Variants in DNAH6 observed in about 807,000 individuals in gnomAD.
The protein encoded by DNAH6 is axonemal beta dynein heavy chain 6.
In DNAH6, 340 loss-of-function variants were observed where a neutral mutation model predicts 491.4. The observed-to-expected ratio is 0.69, with a 90% CI of 0.63 to 0.76. The LOEUF (loss-of-function observed/expected upper bound fraction) is 0.76. Ranked by LOEUF, DNAH6 falls within the 30% of genes least tolerant of loss-of-function variation. DNAH6 has a pLI of 0.00. For missense variants in DNAH6, 4,443 were observed against 4,972.2 expected (o/e 0.89, Z 3.20); for synonymous variants, 1,603 against 1,686.1 (o/e 0.95, Z 1.21).
At chr2:84,720,514 G>A (rs1221509416) in intron 59 of DNAH6, among the ~76,000 whole-genome samples, 5 of 151,780 alleles carry the variant, frequency 3.3e-5, no homozygotes, top group South Asian at 2.1e-4. Flanking sequence ...TCCTGACCTC[G>A]TGATCCGCCC....
At chr2:84,785,870 T>G (rs764594285) in intron 67 of DNAH6, 114 bp downstream of exon 67, 20 of 1,127,402 alleles carry the variant, frequency 1.8e-5, no homozygotes, top group Non-Finnish European at 2.4e-5. Context: ...AAGGCCCCAT[T>G]CTGTGTCTGA....
intron 30 of DNAH6, among the ~76,000 whole-genome samples, chr2:84,635,764 T>G (rs954018114): frequency 2.6e-5 from 4 of 152,136 alleles, no homozygotes; most frequent in Admixed American, 2.6e-4. Context: ...ATAGGTAAAC[T>G]AAACCACAGA....
chr2:84,570,525 C>T (rs1197340588), intron 11 of DNAH6, among the ~76,000 whole-genome samples: 1 of 152,202 alleles, frequency 6.6e-6, no homozygotes, highest in African/African-American at 2.4e-5. Context: ...AGGCACCAGT[C>T]AGCACTCTGT....
chr2:84,517,513 A>G (rs1057254034), intron 1 of DNAH6, among the ~76,000 whole-genome samples: 1 of 152,188 alleles, frequency 6.6e-6, no homozygotes, highest in Non-Finnish European at 1.5e-5. Context: ...GTCCTTCCAA[A>G]TCTAGACCAG....
chr2:84,586,949 T>G (rs1683614907), intron 15 of DNAH6, among the ~76,000 whole-genome samples: 1 of 152,232 alleles, frequency 6.6e-6, no homozygotes, highest in Non-Finnish European at 1.5e-5. Context: ...GCATTTTTTA[T>G]TTTTTAAGAA....
At position 84,705,612 on chromosome 2, in the gene DNAH6, T is replaced by C; in HGVS notation, c.8592T>C (p.Pro2864=). 2 of 1,551,688 alleles carry C rather than the reference T, an allele frequency of 1.3e-6. No homozygotes were observed. Among genetic ancestry groups the C allele is most frequent in the Non-Finnish European group, 8.7e-7 (1 of 1,146,984 alleles). Residue 2864 remains proline (P), a synonymous_variant, in exon 52 of 77, where the codon CCT becomes CCC. Coordinates refer to ENST00000389394, the MANE Select transcript of DNAH6 (RefSeq NM_001370.2). ...AGCTTCAAAAGTATATTAATAATCC[T>C]GATTTTGTGCCTGAAAAAGTGGAGA... ...LAKLQKYINN[P]DFVPEKVEKV... is the part of the protein sequence containing the mutation.
intron 47 of DNAH6, among the ~76,000 whole-genome samples, chr2:84,698,715 A>G (rs1695614637): frequency 1.3e-5 from 2 of 152,240 alleles, no homozygotes; most frequent in South Asian, 2.1e-4. Flanking sequence ...AAATCATTCT[A>G]CCAAAAAGAG....
rs758124840 is a variant in DNAH6, at chr2:84,549,939, C to T, written c.1367C>T (p.Thr456Met). 1.4e-5 allele frequency: 22 copies of T among 1,613,722 alleles called. No individual in the cohort carries two copies. The highest frequency in any genetic ancestry group is 1.7e-4 in the Middle Eastern group (1 of 6,060). The part of the protein sequence containing the change: ...YLIENTMHIL[T>M]VNAVNSLLNH... Reference sequence around the variant, plus strand: ...ATTGAGAACACAATGCACATCTTAACGGTAAATGCTGTTAATTCGCTTTTG... The same window carrying T: ...ATTGAGAACACAATGCACATCTTAATGGTAAATGCTGTTAATTCGCTTTTG... The change falls in exon 9 of 77, where the codon ACG becomes ATG. Residue 456 changes from threonine to methionine, a missense_variant. Around this residue, in one of 3 missense-constraint regions of DNAH6, gnomAD observed 2,977 missense variants for 3,296.6 expected, o/e 0.90. Coordinates refer to ENST00000389394, the MANE Select transcript of DNAH6 (RefSeq NM_001370.2).
At chr2:84,535,403 A>T (rs376148975) in intron 4 of DNAH6, among the ~76,000 whole-genome samples, 2 of 152,006 alleles carry the variant, frequency 1.3e-5, no homozygotes, top group South Asian at 2.1e-4. Context: ...TCTTATTTGT[A>T]TAAAAATGTT....
intron 4 of DNAH6, among the ~76,000 whole-genome samples, chr2:84,530,060 TCAGCAAAA>T (rs1329969941): frequency 6.6e-6 from 1 of 152,210 alleles, no homozygotes; most frequent in African/African-American, 2.4e-5. Context: ...ATGCAATCGT[TCAGCAAAA>T]TTTATTGAGC....
chr2:84,817,344 G>A (rs547765979), intron 76 of DNAH6, among the ~76,000 whole-genome samples: 156 of 152,334 alleles, frequency 1.0e-3, no homozygotes, highest in Non-Finnish European at 1.9e-3. Flanking sequence ...TCAAAGGGTT[G>A]AGGGAAAATA....
chr2:84,782,332 G>T (rs1214720717), intron 65 of DNAH6, among the ~76,000 whole-genome samples: 1 of 152,190 alleles, frequency 6.6e-6, no homozygotes, highest in Non-Finnish European at 1.5e-5. Flanking sequence ...CTGCTGTGAA[G>T]CCCTGGGAGA....
At chr2:84,476,274 T>TA in the DNAH6 span, among the ~76,000 whole-genome samples, 2 of 152,220 alleles carry the variant, frequency 1.3e-5, no homozygotes, top group Non-Finnish European at 2.9e-5. Context: ...GGACTATAGT[T>TA]ACGGGAAATT....
chr2:84,692,476 GATAGATAA>G (rs756142749), intron 45 of DNAH6, among the ~76,000 whole-genome samples: 242 of 114,744 alleles, frequency 2.1e-3, no homozygotes, highest in African/African-American at 7.1e-3. Context: ...TAGATAGATA[GATAGATAA>G]ATTTCCCAGA....
At chr2:84,534,106 A>C (rs915649937) in intron 4 of DNAH6, among the ~76,000 whole-genome samples, 1 of 152,014 alleles carries the variant, frequency 6.6e-6, no homozygotes, top group African/African-American at 2.4e-5. Flanking sequence ...CAAAATTTAC[A>C]TAACACTGAT....
At chr2:84,699,204 A>T (rs949863449) in intron 47 of DNAH6, among the ~76,000 whole-genome samples, 3 of 152,118 alleles carry the variant, frequency 2.0e-5, no homozygotes, top group Non-Finnish European at 2.9e-5. Context: ...AGAAAAAAAA[A>T]AACTCCCATA....
the DNAH6 span, among the ~76,000 whole-genome samples, chr2:84,507,475 A>G: frequency 2.6e-5 from 4 of 152,162 alleles, no homozygotes; most frequent in African/African-American, 7.2e-5. Flanking sequence ...GGCTGAGACG[A>G]TGGGGTTTTC....
chr2:84,783,348 T>G lies in DNAH6; in HGVS notation c.10865-1374T>G, dbSNP rs1435113644. Reference sequence around the variant, plus strand: ...AGTCCAGCCCTAAAATTCTATGATGTCTATGAAAGTTAAGAAGCTTGGTGC... The same window carrying G: ...AGTCCAGCCCTAAAATTCTATGATGGCTATGAAAGTTAAGAAGCTTGGTGC... On this transcript the variant is annotated intron_variant, in intron 65 of 76. Coordinates refer to ENST00000389394, the MANE Select transcript of DNAH6 (RefSeq NM_001370.2). 3.3e-5 allele frequency among the ~76,000 whole-genome samples: 5 copies of G among 152,364 alleles called. No individual in the cohort carries two copies. The East Asian group carries it at 5.8e-4, about 18-fold the overall frequency.
At chr2:84,814,380 A>G (rs1232670596) in intron 75 of DNAH6, among the ~76,000 whole-genome samples, 1 of 152,210 alleles carries the variant, frequency 6.6e-6, no homozygotes, top group East Asian at 1.9e-4. Flanking sequence ...AACCTTCTTC[A>G]TCTTACAGAA....
Sources: allele counts gnomAD v4.1 joint callset (sites outside exome capture counted in the v4.1 genomes callset), GRCh38; gene constraint gnomAD v4.1.1; regional missense constraint gnomAD v4.1.1; transcripts MANE v1.5; gene names NCBI Gene and HGNC (gene_info 2026-07-23, HGNC 2026-07-21).